TFB2M: variants seen among roughly 807,000 people sequenced by gnomAD.
The protein encoded by TFB2M is transcription factor B2, mitochondrial, also known as dimethyladenosine transferase 2, mitochondrial.
Under a neutral mutation model 41.3 loss-of-function variants are expected in TFB2M, and 44 were observed. That is an observed-to-expected ratio of 1.07 (90% confidence interval 0.84 to 1.37). TFB2M has a LOEUF of 1.37. Among genes scored for constraint, TFB2M ranks in the 40% most tolerant of loss-of-function variants. TFB2M has a pLI of 0.00. For synonymous variants in TFB2M, 188 were observed against 176.8 expected (o/e 1.06, Z -0.50); for missense variants, 496 against 490.2 (o/e 1.01, Z -0.11).
chr1:246,556,003 C>T (rs1659312369), intron 4 of TFB2M, among the ~76,000 whole-genome samples: 1 of 152,138 alleles, frequency 6.6e-6, no homozygotes, highest in Admixed American at 6.5e-5. Flanking sequence ...GTTAGCCAAA[C>T]TGGTCTCGAA....
chr1:246,556,811 A>T (rs1483489792), intron 3 of TFB2M, 90 bp from the exon 4 acceptor site: 13 of 1,056,040 alleles, frequency 1.2e-5, no homozygotes, highest in Non-Finnish European at 1.6e-5. Flanking sequence ...AAGTTAACAA[A>T]CTATATTAAT....
At chr1:246,544,971 A>C (rs1413391542) in intron 6 of TFB2M, among the ~76,000 whole-genome samples, 1 of 151,886 alleles carries the variant, frequency 6.6e-6, no homozygotes, top group Non-Finnish European at 1.5e-5. Context: ...ACGCCTGGCT[A>C]ATTTTTTGTA....
At position 246,565,980 on chromosome 1, in the gene TFB2M, G is replaced by C; in HGVS notation, c.159C>G (p.Pro53=). 1.2e-6 allele frequency: 2 copies of C among 1,614,176 alleles called. No individual in the cohort carries two copies. Among genetic ancestry groups the C allele is most frequent in the Non-Finnish European group, 1.7e-6 (2 of 1,180,046 alleles). ...TTGGCGGATTCCTGAAATCCGGTTC[G>C]GGCCACAGCTGCGGAGAGGAGTCAG... ...GLSDSSPQLW[P]EPDFRNPPRK... The change falls in exon 1 of 8, where the codon CCC becomes CCG. Residue 53 remains proline, a synonymous_variant. Coordinates refer to ENST00000366514, the MANE Select transcript of TFB2M (RefSeq NM_022366.3).
At chr1:246,553,787 T>C (rs1572088668) in intron 4 of TFB2M, among the ~76,000 whole-genome samples, 1 of 152,146 alleles carries the variant, frequency 6.6e-6, no homozygotes, top group Non-Finnish European at 1.5e-5. Flanking sequence ...CCCAAAGCAA[T>C]CTCCAGATTC....
chr1:246,547,929 A>T (rs1572085640), intron 6 of TFB2M, among the ~76,000 whole-genome samples: 1 of 147,928 alleles, frequency 6.8e-6, no homozygotes, highest in African/African-American at 2.5e-5. Flanking sequence ...CCATGTAATA[A>T]GAGTAGTAAT....
rs745669488 is a variant in TFB2M at position 246,565,993 on chromosome 1, G to A, written c.146C>T (p.Pro49Leu). 6.2e-7 allele frequency: 1 copy of A among 1,614,182 alleles called. No individual in the cohort carries two copies. Among genetic ancestry groups the A allele is most frequent in the East Asian group, 2.2e-5 (1 of 44,876 alleles). Residue 49 changes from proline (P) to leucine (L), a missense_variant, in exon 1 of 8, where the codon CCG becomes CTG. Transcript: ENST00000366514. The part of the protein sequence containing the change: ...RNHCGLSDSS[P>L]QLWPEPDFRN... The stretch of plus-strand genomic sequence containing the variant: ...GAAATCCGGTTCGGGCCACAGCTGC[G>A]GAGAGGAGTCAGAGAGCCCACAGTG...
intron 4 of TFB2M, among the ~76,000 whole-genome samples, chr1:246,555,760 T>A (rs1659304393): frequency 6.6e-6 from 1 of 151,846 alleles, no homozygotes; most frequent in Non-Finnish European, 1.5e-5. Flanking sequence ...ATGTCATTGA[T>A]ACATCAACAC....
chr1:246,541,278 T>A, intron 7 of TFB2M, 76 bp from the exon 8 acceptor site: 1 of 1,426,630 alleles, frequency 7.0e-7, no homozygotes. Flanking sequence ...AGAAATGGCT[T>A]CTAAGTTGAA....
intron 4 of TFB2M, among the ~76,000 whole-genome samples, chr1:246,552,504 A>G (rs920237891): frequency 9.9e-5 from 15 of 151,848 alleles, no homozygotes; most frequent in African/African-American, 3.6e-4. Context: ...CAGGAGTTCA[A>G]GACCACCCTG....
At chr1:246,563,168 G>A (rs1470114655) in intron 2 of TFB2M, among the ~76,000 whole-genome samples, 1 of 150,752 alleles carries the variant, frequency 6.6e-6, no homozygotes, top group South Asian at 2.1e-4. Context: ...CAGGGATTCT[G>A]ATGCTGCTGT....
chr1:246,546,554 C>T (rs535471093), intron 6 of TFB2M, among the ~76,000 whole-genome samples: 1 of 149,908 alleles, frequency 6.7e-6, no homozygotes, highest in South Asian at 2.1e-4. Context: ...GTAGGGGTTG[C>T]AATGAGCCAA....
intron 4 of TFB2M, among the ~76,000 whole-genome samples, chr1:246,554,290 C>T (rs1057199599): frequency 2.0e-5 from 3 of 152,306 alleles, no homozygotes; most frequent in Admixed American, 6.5e-5. Flanking sequence ...CGACACAGGT[C>T]CCCAATCCCC....
intron 6 of TFB2M, among the ~76,000 whole-genome samples, chr1:246,544,937 C>G (rs1376317179): frequency 6.6e-6 from 1 of 152,054 alleles, no homozygotes; most frequent in East Asian, 1.9e-4. Context: ...TCCCGAGTAG[C>G]TGGGACTACA....
At chr1:246,541,303 C>G in intron 7 of TFB2M, 101 bp from the exon 8 acceptor site, 1 of 1,150,512 alleles carries the variant, frequency 8.7e-7, no homozygotes. Flanking sequence ...AAATGTCTAA[C>G]TTAGGCATAC....
intron 6 of TFB2M, among the ~76,000 whole-genome samples, chr1:246,547,665 GTT>G (rs67635747): frequency 0.017 from 2,513 of 144,578 alleles, 71 homozygotes; most frequent in African/African-American, 0.058. Flanking sequence ...CATTTAATTC[GTT>G]TTTTTTTTTT....
rs11438177 is a variant in TFB2M at position 246,558,157 on chromosome 1, C to CTT, written c.403-625_403-624dup. 1.0e-2 allele frequency among the ~76,000 whole-genome samples: 1,407 copies of CTT among 140,958 alleles called. 23 individuals are homozygous for CTT. Among genetic ancestry groups the CTT allele is most frequent in the African/African-American group, 0.026 (991 of 38,326 alleles). 92.5% of individuals were successfully genotyped at this position (140,958 alleles called of 152,430 possible). A position where few individuals can be genotyped will look rare whatever the true frequency, so the allele number is the denominator to read the frequency against. ...TCATAAATTTTTCTTTATCTGTTTA[C>CTT]TTTTTTTTTTTTTTTGAGACAAGCT... On this transcript the variant is annotated intron_variant, in intron 2 of 7. Coordinates refer to ENST00000366514, the MANE Select transcript of TFB2M (RefSeq NM_022366.3).
chr1:246,545,316 G>T (rs901211607), intron 6 of TFB2M, among the ~76,000 whole-genome samples: 1 of 152,006 alleles, frequency 6.6e-6, no homozygotes, highest in African/African-American at 2.4e-5. Context: ...ATCACTCGAG[G>T]TCAGGAGTTC....
In TFB2M at chr1:246,540,916, T is replaced by C; in HGVS notation, c.*115A>G. On this transcript the variant is annotated 3_prime_UTR_variant, in exon 8 of 8. Coordinates refer to ENST00000366514, the MANE Select transcript of TFB2M (RefSeq NM_022366.3). ...CTTAGGAGAAATGATCTGCCTGGCT[T>C]GTGCAAGACAAGAACAGTTACCTTC... 1 of 968,314 alleles carries C rather than the reference T, an allele frequency of 1.0e-6. No homozygotes were observed. The highest frequency in any genetic ancestry group is 1.5e-6 in the Non-Finnish European group (1 of 659,248). The allele number at this position is 968,314 out of a possible 1,614,324, so 60.0% of individuals were successfully genotyped here.
At chr1:246,542,662 ACT>A (rs375384719) in intron 7 of TFB2M, among the ~76,000 whole-genome samples, 132 of 152,102 alleles carry the variant, frequency 8.7e-4, no homozygotes, top group African/African-American at 3.1e-3. Flanking sequence ...ACAGAGTGAG[ACT>A]CTCTGTCTGT....
Sources: gnomAD v4.1 joint callset for allele counts (sites outside exome capture counted in the v4.1 genomes callset) on GRCh38, gnomAD v4.1.1 for gene constraint, MANE v1.5 for transcripts, NCBI Gene and HGNC (gene_info 2026-07-23, HGNC 2026-07-21) for gene names.